GDA: variants seen among roughly 807,000 people sequenced by gnomAD.
GDA encodes cytoplasmic PSD-95 interactor.
A neutral mutation model predicts 59.6 loss-of-function variants in GDA; 18 were observed. The ratio of observed to expected loss-of-function variants is 0.30; its 90% confidence interval spans 0.21 to 0.45. The LOEUF (loss-of-function observed/expected upper bound fraction) is 0.45, where lower values mean the gene tolerates loss of function less well. Among genes scored for constraint, GDA ranks in the 20% least tolerant of loss-of-function variants. The probability of loss-of-function intolerance (pLI) is 1.00; values close to 1 mark genes in which losing one functional copy is unlikely to be tolerated. For missense variants in GDA, 427 were observed against 552.3 expected (o/e 0.77, Z 2.27); for synonymous variants, 201 against 201.1 (o/e 1.00, Z 0.00).
At chr9:72,205,515 C>T (rs547581147) in intron 3 of GDA, among the ~76,000 whole-genome samples, 1 of 152,092 alleles carries the variant, frequency 6.6e-6, no homozygotes, top group Non-Finnish European at 1.5e-5. Context: ...CTCTCAGAAC[C>T]AGGAAAGGTT....
intron 1 of GDA, among the ~76,000 whole-genome samples, chr9:72,192,156 T>C (rs530182725): frequency 6.6e-6 from 1 of 151,718 alleles, no homozygotes; most frequent in Admixed American, 6.6e-5. Flanking sequence ...TTAGATCCTA[T>C]AGGCTTGCTT....
chr9:72,163,135 G>A (rs1003110306), intron 1 of GDA, among the ~76,000 whole-genome samples: 1 of 152,146 alleles, frequency 6.6e-6, no homozygotes, highest in African/African-American at 2.4e-5. Context: ...GAGATGAGAA[G>A]GAGGTAAATC....
intron 1 of GDA, among the ~76,000 whole-genome samples, chr9:72,118,505 ACTCTAT>A (rs1825548775): frequency 2.6e-5 from 4 of 152,228 alleles, no homozygotes; most frequent in Admixed American, 2.6e-4. Context: ...GATTATTTCA[ACTCTAT>A]CTCTAAAGAG....
At chr9:72,199,397 A>G (rs942871653) in intron 2 of GDA, among the ~76,000 whole-genome samples, 2 of 152,206 alleles carry the variant, frequency 1.3e-5, no homozygotes, top group Admixed American at 6.5e-5. Context: ...ATCACACTTC[A>G]GATGCAATAA....
intron 1 of GDA, among the ~76,000 whole-genome samples, chr9:72,187,421 T>C (rs951233843): frequency 3.3e-5 from 5 of 152,210 alleles, no homozygotes; most frequent in Non-Finnish European, 7.3e-5. Flanking sequence ...CCCTTCCACC[T>C]TTCTGCTGTA....
chr9:72,170,161 G>A (rs184112526), intron 1 of GDA, among the ~76,000 whole-genome samples: 84 of 152,242 alleles, frequency 5.5e-4, no homozygotes, highest in African/African-American at 1.8e-3. Context: ...AATTAGACCC[G>A]CAGATTTGAT....
At chr9:72,143,128 A>AT (rs534785979) in intron 1 of GDA, among the ~76,000 whole-genome samples, 1,377 of 125,272 alleles carry the variant, frequency 0.011, 27 homozygotes, top group African/African-American at 0.037. Context: ...CAGGTCAAGA[A>AT]TTTTTTTTTT....
intron 7 of GDA, among the ~76,000 whole-genome samples, chr9:72,225,159 T>C (rs1323011620): frequency 2.6e-5 from 4 of 152,130 alleles, no homozygotes; most frequent in African/African-American, 9.7e-5. Context: ...CACATGCCTG[T>C]AATCCCAGCT....
chr9:72,202,893 T>A, intron 3 of GDA, 151 bp downstream of exon 3: 1 of 465,946 alleles, frequency 2.1e-6, no homozygotes, highest in East Asian at 3.4e-5. Context: ...GTCCAGTGAG[T>A]TTGTGACCAC....
Position 72,226,018 on chromosome 9 carries a change from T to TGC in GDA, c.822+235_822+236insCG, listed in dbSNP as rs1434647984. The stretch of plus-strand genomic sequence containing the variant: ...GTGTGTGTGTGTGTGTGTGTGTGCG[T>TGC]GTGTGTGTGTGTGTGTAGTTAAAAA... On this transcript the variant is annotated intron_variant, in intron 8 of 13. Transcript: ENST00000358399. Among the ~76,000 whole-genome samples, 1,244 of 147,094 alleles carry TGC rather than the reference T, an allele frequency of 8.5e-3. 14 individuals carry two copies. Among genetic ancestry groups the TGC allele is most frequent in the African/African-American group, 0.03 (1,199 of 39,396 alleles).
At chr9:72,149,729 G>A (rs1320192897) in intron 1 of GDA, 47 bp downstream of exon 1, 2 of 1,535,850 alleles carry the variant, frequency 1.3e-6, no homozygotes, top group East Asian at 2.5e-5. Flanking sequence ...GGGAGGATAG[G>A]TGCAAGGAAC....
chr9:72,161,780 C>T (rs746046313), intron 1 of GDA, among the ~76,000 whole-genome samples: 2 of 152,218 alleles, frequency 1.3e-5, no homozygotes, highest in Non-Finnish European at 2.9e-5. Flanking sequence ...TGTTATCCAT[C>T]GCCTATCCAT....
chr9:72,233,303 G>A (rs1321201027), intron 10 of GDA, among the ~76,000 whole-genome samples: 4 of 152,166 alleles, frequency 2.6e-5, no homozygotes, highest in Non-Finnish European at 4.4e-5. Flanking sequence ...ACAAGATAAA[G>A]TGATATCACA....
At position 72,250,152 on chromosome 9, in the gene GDA, A is replaced by G; in HGVS notation, c.*1810A>G. The stretch of plus-strand genomic sequence containing the variant: ...CTCTACGGGGCTAGCAAAAATCTTC[A>G]GCTTTATCACTCAACCCCTGCCAAA... On this transcript the variant is annotated 3_prime_UTR_variant, in exon 14 of 14. Coordinates refer to ENST00000358399, the MANE Select transcript of GDA (RefSeq NM_004293.5). 1.0e-6 allele frequency: 1 copy of G among 984,974 alleles called. No homozygotes were observed. Among genetic ancestry groups the G allele is most frequent in the Non-Finnish European group, 1.2e-6 (1 of 829,556 alleles). 61.0% of individuals were successfully genotyped at this position (984,974 alleles called of 1,614,324 possible). A position where few individuals can be genotyped will look rare whatever the true frequency, so the allele number is the denominator to read the frequency against.
chr9:72,218,421 G>A (rs923948960), intron 5 of GDA, among the ~76,000 whole-genome samples: 9 of 152,160 alleles, frequency 5.9e-5, no homozygotes, highest in African/African-American at 2.2e-4. Flanking sequence ...GGAAGTACCC[G>A]CCTTCCTTTA....
In GDA at chr9:72,206,888, A is replaced by G. The variant is rs534722543; in HGVS notation, c.385-3799A>G. Among the ~76,000 whole-genome samples, 70 of 151,796 alleles carry G rather than the reference A, an allele frequency of 4.6e-4. 1 individual carries two copies. In the South Asian group the frequency reaches 8.5e-3, roughly 18 times the overall value. The stretch of plus-strand genomic sequence containing the variant: ...ATATATCCTCTGACAATTCTTTCCA[A>G]TCAGGTGAGTGATAAACATTCTAAA... On this transcript the variant is annotated intron_variant, in intron 3 of 13. Coordinates refer to ENST00000358399, the MANE Select transcript of GDA (RefSeq NM_004293.5).
chr9:72,229,738 T>A (rs1437383401), intron 9 of GDA, among the ~76,000 whole-genome samples: 1 of 152,120 alleles, frequency 6.6e-6, no homozygotes, highest in African/African-American at 2.4e-5. Flanking sequence ...CAGTTGGAAA[T>A]CTAGGGACTT....
intron 1 of GDA, among the ~76,000 whole-genome samples, chr9:72,144,026 A>G (rs1826535511): frequency 6.6e-6 from 1 of 152,184 alleles, no homozygotes; most frequent in East Asian, 1.9e-4. Context: ...GTTCGAGACC[A>G]GCCTGGTTAC....
chr9:72,129,788 A>G (rs1825963794), intron 1 of GDA, among the ~76,000 whole-genome samples: 1 of 152,124 alleles, frequency 6.6e-6, no homozygotes, highest in Non-Finnish European at 1.5e-5. Flanking sequence ...TGCCATCTAT[A>G]TGAGAAGCTA....
Sources: allele counts gnomAD v4.1 joint callset (sites outside exome capture counted in the v4.1 genomes callset), GRCh38; gene constraint gnomAD v4.1.1; transcripts MANE v1.5; gene names NCBI Gene and HGNC (gene_info 2026-07-23, HGNC 2026-07-21).